CMKLR1: variants seen among roughly 807,000 people sequenced by gnomAD.
The protein encoded by CMKLR1 is chemerin chemokine-like receptor 1.
A neutral mutation model predicts 8.2 loss-of-function variants in CMKLR1; 6 were observed. That is an observed-to-expected ratio of 0.73 (90% CI 0.40 to 1.44). CMKLR1 has a LOEUF of 1.44. CMKLR1 is among the 40% of genes most tolerant of loss of function. CMKLR1 has a pLI of 0.02. For missense variants in CMKLR1, 429 were observed against 478.0 expected (o/e 0.90, Z 0.96); for synonymous variants, 178 against 181.2 (o/e 0.98, Z 0.14).
intron 2 of CMKLR1, among the ~76,000 whole-genome samples, chr12:108,325,958 C>T (rs1566029181): frequency 6.6e-6 from 1 of 152,166 alleles, no homozygotes; most frequent in Non-Finnish European, 1.5e-5. Flanking sequence ...CCACTCCTAC[C>T]CCCAGGCTCT....
rs1466159628 is a variant in CMKLR1, at chr12:108,330,224, A to G, written c.-286-17T>C. On this transcript the variant is annotated splice_polypyrimidine_tract_variant and intron_variant, in intron 1 of 3. Transcript: ENST00000550402. ...AGAGATGGGCTACAGAGAGAGAGAA[A>G]GAGAGAAACAGAGCACACAAGTTCC... 3 of 152,218 alleles carry G rather than the reference A, an allele frequency of 2.0e-5. No individual in the cohort carries two copies. The highest frequency in any genetic ancestry group is 4.4e-5 in the Non-Finnish European group (3 of 68,050). 9.4% of individuals were successfully genotyped at this position (152,218 alleles called of 1,614,324 possible).
Position 108,288,553 on chromosome 12 carries a change from T to G in CMKLR1, c.*3288A>C, listed in dbSNP as rs1398362420. On this transcript the variant is annotated 3_prime_UTR_variant, in exon 4 of 4. Transcript: ENST00000550402. ...TTTCCTCACCCCTTCTGAACCTTGC[T>G]GCCAGAATCTCTGTGCCTCTTCTCT... 6.6e-6 allele frequency: 1 copy of G among 152,360 alleles called. No individual in the cohort carries two copies. Among genetic ancestry groups the G allele is most frequent in the African/African-American group, 2.4e-5 (1 of 41,474 alleles). 9.4% of individuals were successfully genotyped at this position (152,360 alleles called of 1,614,324 possible). A position where few individuals can be genotyped will look rare whatever the true frequency, so the allele number is the denominator to read the frequency against.
intron 2 of CMKLR1, among the ~76,000 whole-genome samples, chr12:108,316,836 C>T (rs1015607699): frequency 2.6e-5 from 4 of 152,162 alleles, no homozygotes; most frequent in South Asian, 2.1e-4. Flanking sequence ...CCACAGGCAC[C>T]GGTTGGAACC....
At chr12:108,331,156 C>A (rs576108400) in intron 1 of CMKLR1, among the ~76,000 whole-genome samples, 3 of 152,296 alleles carry the variant, frequency 2.0e-5, no homozygotes, top group East Asian at 3.9e-4. Flanking sequence ...CCTGGGGGAT[C>A]ATTCATTCCT....
At chr12:108,321,427 G>A (rs1313689411) in intron 2 of CMKLR1, among the ~76,000 whole-genome samples, 1 of 151,872 alleles carries the variant, frequency 6.6e-6, no homozygotes, top group African/African-American at 2.4e-5. Flanking sequence ...GTGAGACCCT[G>A]TCTCCAAAAA....
In CMKLR1 at chr12:108,289,463, G is replaced by A. The variant is rs1890896394; in HGVS notation, c.*2378C>T. On this transcript the variant is annotated 3_prime_UTR_variant, in exon 4 of 4. Coordinates refer to ENST00000550402, the MANE Select transcript of CMKLR1 (RefSeq NM_001142343.2). Reference sequence around the variant, plus strand: ...CAGAAAGAGGGAGGCCAGACTCTAAGGAGGAAAACAGCCGGTTTGAATTGT... The same window carrying A: ...CAGAAAGAGGGAGGCCAGACTCTAAAGAGGAAAACAGCCGGTTTGAATTGT... 1 of 152,250 alleles carries A rather than the reference G, an allele frequency of 6.6e-6. No individual in the cohort carries two copies. Among genetic ancestry groups the A allele is most frequent in the African/African-American group, 2.4e-5 (1 of 41,458 alleles). The allele number at this position is 152,250 out of a possible 1,614,324, so 9.4% of individuals were successfully genotyped here.
rs373191034 is a variant in CMKLR1, at chr12:108,298,918, G to A, written c.-73-5254C>T. Among the ~76,000 whole-genome samples, 5 of 152,370 alleles carry A rather than the reference G, an allele frequency of 3.3e-5. No homozygotes were observed. In the South Asian group the frequency reaches 8.3e-4, roughly 25 times the overall value. ...CTGGGACGGTCCCAGGAGGGCTCCA[G>A]AAGGGAATGCCAGGGAGGAGATGGC... is the stretch of plus-strand genomic sequence containing the variant. On this transcript the variant is annotated intron_variant, in intron 2 of 3. Coordinates refer to ENST00000550402, the MANE Select transcript of CMKLR1 (RefSeq NM_001142343.2).
At chr12:108,303,761 G>A (rs1417447152) in intron 2 of CMKLR1, among the ~76,000 whole-genome samples, 1 of 152,172 alleles carries the variant, frequency 6.6e-6, no homozygotes, top group African/African-American at 2.4e-5. Flanking sequence ...GCAGGGCTCC[G>A]GGTCCCCTGC....
At chr12:108,335,817 A>G (rs1892206914) in intron 1 of CMKLR1, among the ~76,000 whole-genome samples, 1 of 152,168 alleles carries the variant, frequency 6.6e-6, no homozygotes, top group South Asian at 2.1e-4. Context: ...AACAAGAATA[A>G]CACCACCTTT....
intron 2 of CMKLR1, among the ~76,000 whole-genome samples, chr12:108,306,948 G>A (rs775474930): frequency 1.3e-5 from 2 of 152,152 alleles, no homozygotes; most frequent in Non-Finnish European, 2.9e-5. Context: ...GGAAGCCCCT[G>A]TAGCCCCCAA....
chr12:108,320,843 A>G (rs569749442), intron 2 of CMKLR1, among the ~76,000 whole-genome samples: 50 of 152,346 alleles, frequency 3.3e-4, no homozygotes, highest in African/African-American at 1.2e-3. Flanking sequence ...ATTCAAAGAA[A>G]CACAGTCCAG....
chr12:108,319,272 T>C (rs1452194252), intron 2 of CMKLR1, among the ~76,000 whole-genome samples: 1 of 152,188 alleles, frequency 6.6e-6, no homozygotes, highest in Non-Finnish European at 1.5e-5. Context: ...TTCCATCCCT[T>C]ACTTTGCCCC....
chr12:108,327,144 G>T (rs1238508681), intron 2 of CMKLR1, among the ~76,000 whole-genome samples: 1 of 152,206 alleles, frequency 6.6e-6, no homozygotes, highest in Non-Finnish European at 1.5e-5. Context: ...CTGCTAGAGG[G>T]TGGCTGCCTT....
Position 108,292,345 on chromosome 12 carries a change from G to A in CMKLR1, c.618C>T (p.His206=). ...STPGSSSWPT[H]SQMDPVGYSR... ...TATACCCCACAGGGTCCATTTGGGA[G>A]TGAGTGGGCCACGAGGAAGACCCAG... Residue 206 remains histidine (H), a synonymous_variant, in exon 4 of 4, where the codon CAC becomes CAT. Transcript: ENST00000550402. The A allele has an allele frequency of 6.2e-7, 1 of 1,614,204 alleles. No homozygotes were observed. The highest frequency in any genetic ancestry group is 1.1e-5 in the South Asian group (1 of 91,084).
chr12:108,309,360 G>C (rs1278180442), intron 2 of CMKLR1, among the ~76,000 whole-genome samples: 2 of 152,162 alleles, frequency 1.3e-5, no homozygotes, highest in Admixed American at 1.3e-4. Context: ...TTTGAATGGA[G>C]ACCTGAATAC....
intron 2 of CMKLR1, among the ~76,000 whole-genome samples, chr12:108,314,942 T>TG (rs201331206): frequency 3.3e-5 from 5 of 149,916 alleles, no homozygotes; most frequent in Non-Finnish European, 5.9e-5. Flanking sequence ...TTGTTTTTTT[T>TG]TTTTTTTTTT....
At chr12:108,307,743 A>G (rs1024904208) in intron 2 of CMKLR1, among the ~76,000 whole-genome samples, 1 of 152,228 alleles carries the variant, frequency 6.6e-6, no homozygotes, top group African/African-American at 2.4e-5. Context: ...CCCTCAGCTG[A>G]AACCAAGCTA....
chr12:108,314,447 C>T lies in CMKLR1; in HGVS notation c.-74+15548G>A, dbSNP rs138613935. On this transcript the variant is annotated intron_variant, in intron 2 of 3. Transcript: ENST00000550402. ...AGAGAAGACATGGGGGATCTGATCA[C>T]GGAACGGGGTCTCCAGTTCCTGAAT... Among the ~76,000 whole-genome samples, 417 of 152,304 alleles carry T rather than the reference C, an allele frequency of 2.7e-3. 1 individual carries two copies. The highest frequency in any genetic ancestry group is 9.4e-3 in the African/African-American group (389 of 41,566).
intron 2 of CMKLR1, among the ~76,000 whole-genome samples, chr12:108,322,451 T>C (rs535135887): frequency 1.4e-4 from 22 of 152,308 alleles, no homozygotes; most frequent in African/African-American, 4.3e-4. Context: ...TCCAGCTGTA[T>C]CGTGTGAAAG....
Sources: allele counts gnomAD v4.1 joint callset (sites outside exome capture counted in the v4.1 genomes callset), GRCh38; gene constraint gnomAD v4.1.1; transcripts MANE v1.5; gene names NCBI Gene and HGNC (gene_info 2026-07-23, HGNC 2026-07-21).